Variants in MPLKIP observed in about 807,000 individuals in gnomAD.
MPLKIP encodes M-phase specific PLK1 interacting protein, also known as M-phase-specific PLK1-interacting protein.
A neutral mutation model predicts 16.9 loss-of-function variants in MPLKIP; 16 were observed. That is an observed-to-expected ratio of 0.94 (90% CI 0.64 to 1.43). MPLKIP has a LOEUF of 1.43. Among genes scored for constraint, MPLKIP ranks in the 40% most tolerant of loss-of-function variants. The pLI is 0.00. For missense variants in MPLKIP, 282 were observed against 237.6 expected (o/e 1.19, Z -1.23); for synonymous variants, 126 against 98.4 (o/e 1.28, Z -1.66).
In MPLKIP at chr7:40,132,190, G is replaced by A. The variant is rs1364082633; in HGVS notation, c.*869C>T. 1 of 152,226 alleles carries A rather than the reference G, an allele frequency of 6.6e-6. No homozygotes were observed. The highest frequency in any genetic ancestry group is 2.4e-5 in the African/African-American group (1 of 41,446). The allele number at this position is 152,226 out of a possible 1,614,324, so 9.4% of individuals were successfully genotyped here. ...CAGAATCCTGTCTCATTATGGTGAT[G>A]TGTCCATGATTCAAGTTAATTAGGT... is the stretch of plus-strand genomic sequence containing the variant. On this transcript the variant is annotated 3_prime_UTR_variant, in exon 2 of 2. Transcript: ENST00000306984.
chr7:40,131,945 C>T lies in MPLKIP; in HGVS notation c.*1114G>A, dbSNP rs1253360970. ...CCTGTAGTCCCAGCTACTCAGGAGCCGAAGGTTGCAGTGAGCCAAGATTGC... is the reference window on the plus strand; with the variant it reads ...CCTGTAGTCCCAGCTACTCAGGAGCTGAAGGTTGCAGTGAGCCAAGATTGC... On this transcript the variant is annotated 3_prime_UTR_variant, in exon 2 of 2. Coordinates refer to ENST00000306984, the MANE Select transcript of MPLKIP (RefSeq NM_138701.4). The T allele has an allele frequency of 6.6e-6, 1 of 152,156 alleles. No individual in the cohort carries two copies. The highest frequency in any genetic ancestry group is 2.4e-5 in the African/African-American group (1 of 41,426). 9.4% of individuals were successfully genotyped at this position (152,156 alleles called of 1,614,324 possible).
At chr7:40,133,322 C>T (rs992625638) in intron 1 of MPLKIP, 63 bp from the exon 2 acceptor site, 4 of 1,440,586 alleles carry the variant, frequency 2.8e-6, no homozygotes, top group Non-Finnish European at 3.9e-6. Context: ...CTTCCTTTAG[C>T]TAAAGGTTAG....
At position 40,134,607 on chromosome 7, in the gene MPLKIP, C is replaced by A; in HGVS notation, c.-40G>T. On this transcript the variant is annotated 5_prime_UTR_variant, in exon 1 of 2. Coordinates refer to ENST00000306984, the MANE Select transcript of MPLKIP (RefSeq NM_138701.4). Reference sequence around the variant, plus strand: ...CCGAAAACCTCGCAGCCGCGTTCTCCCACCGGAACTGTATCAACCGGCCCT... The same window carrying A: ...CCGAAAACCTCGCAGCCGCGTTCTCACACCGGAACTGTATCAACCGGCCCT... The A allele has an allele frequency of 6.5e-7, 1 of 1,544,068 alleles. No homozygotes were observed. Among genetic ancestry groups the A allele is most frequent in the Middle Eastern group, 2.2e-4 (1 of 4,636 alleles).
intron 1 of MPLKIP, among the ~76,000 whole-genome samples, chr7:40,133,886 T>TAAAAAAAAAAAAAAAAAA: frequency 9.5e-6 from 1 of 105,554 alleles, no homozygotes; most frequent in Non-Finnish European, 1.9e-5. Flanking sequence ...GAAAGAAAGA[T>TAAAAAAAAAAAAAAAAAA]AAAAAAAAAA....
rs774141828 is a variant in MPLKIP, at chr7:40,133,162, T to TC, written c.436dup (p.Glu146GlyfsTer55). 1 of 1,614,062 alleles carries TC rather than the reference T, an allele frequency of 6.2e-7. No homozygotes were observed. On this transcript the variant is annotated frameshift_variant, in exon 2 of 2. Transcript: ENST00000306984. LOFTEE classifies it high-confidence loss of function. Reference sequence around the variant, plus strand: ...TGGTTCTAGGCCAGCCCAAGGATCTTCAAGCATTGAAGGCTTGAAATAATT... The same window carrying TC: ...TGGTTCTAGGCCAGCCCAAGGATCTTCCAAGCATTGAAGGCTTGAAATAATT...
chr7:40,130,858 C>A lies in MPLKIP; in HGVS notation c.*2201G>T, dbSNP rs1229832931. On this transcript the variant is annotated 3_prime_UTR_variant, in exon 2 of 2. Coordinates refer to ENST00000306984, the MANE Select transcript of MPLKIP (RefSeq NM_138701.4). ...ATTACTAAGTTATCCCTTTTATATA[C>A]AGGGTGTAGGTAGAACAATATAGTA... The A allele has an allele frequency of 6.6e-6, 1 of 152,100 alleles. No homozygotes were observed. The highest frequency in any genetic ancestry group is 1.5e-5 in the Non-Finnish European group (1 of 68,008). 9.4% of individuals were successfully genotyped at this position (152,100 alleles called of 1,614,324 possible). A position where few individuals can be genotyped will look rare whatever the true frequency, so the allele number is the denominator to read the frequency against.
chr7:40,132,795 T>C lies in MPLKIP; in HGVS notation c.*264A>G. 2.1e-6 allele frequency: 1 copy of C among 470,796 alleles called. No individual in the cohort carries two copies. 29.2% of individuals were successfully genotyped at this position (470,796 alleles called of 1,614,324 possible). A position where few individuals can be genotyped will look rare whatever the true frequency, so the allele number is the denominator to read the frequency against. On this transcript the variant is annotated 3_prime_UTR_variant, in exon 2 of 2. Coordinates refer to ENST00000306984, the MANE Select transcript of MPLKIP (RefSeq NM_138701.4). ...CATTGAAAAAACATTAAAAGACAAA[T>C]GTCCATTATGTAACCAGGAATGTTA...
chr7:40,132,943 CCTTA>C lies in MPLKIP; in HGVS notation c.*112_*115del, dbSNP rs1416713881. On this transcript the variant is annotated 3_prime_UTR_variant, in exon 2 of 2. Transcript: ENST00000306984. ...GATACGATGAAAAATAACAAAAAGA[CCTTA>C]CTAATTATCCAATCAAAGTCATCAT... 16 of 903,648 alleles carry C rather than the reference CCTTA, an allele frequency of 1.8e-5. No individual in the cohort carries two copies. Among genetic ancestry groups the C allele is most frequent in the African/African-American group, 1.3e-4 (8 of 60,554 alleles). 56.0% of individuals were successfully genotyped at this position (903,648 alleles called of 1,614,324 possible).
In MPLKIP at chr7:40,133,194, CTCA is replaced by C. The variant is rs1205817669; in HGVS notation, c.402_404del (p.Asn134_Glu135delinsLys). On this transcript the variant is annotated inframe_deletion, in exon 2 of 2. Coordinates refer to ENST00000306984, the MANE Select transcript of MPLKIP (RefSeq NM_138701.4). ...TTGAAGGCTTGAAATAATTTTCCAACTCATTAGACATTCTTTTTTCTCTAACAC... is the reference window on the plus strand; with the variant it reads ...TTGAAGGCTTGAAATAATTTTCCAACTTAGACATTCTTTTTTCTCTAACAC... The C allele has an allele frequency of 6.2e-7, 1 of 1,613,762 alleles. No homozygotes were observed. Among genetic ancestry groups the C allele is most frequent in the African/African-American group, 1.3e-5 (1 of 74,916 alleles).
Position 40,134,620 on chromosome 7 carries a change from A to G in MPLKIP, c.-53T>C, listed in dbSNP as rs1326251775. 5 of 1,522,394 alleles carry G rather than the reference A, an allele frequency of 3.3e-6. No homozygotes were observed. Among genetic ancestry groups the G allele is most frequent in the Non-Finnish European group, 4.4e-6 (5 of 1,129,494 alleles). 94.3% of individuals were successfully genotyped at this position (1,522,394 alleles called of 1,614,324 possible). ...AGCCGCGTTCTCCCACCGGAACTGT[A>G]TCAACCGGCCCTCCGCAGAGAACTG... On this transcript the variant is annotated 5_prime_UTR_variant, in exon 1 of 2. Coordinates refer to ENST00000306984, the MANE Select transcript of MPLKIP (RefSeq NM_138701.4).
In MPLKIP at chr7:40,126,438, T is replaced by A. The variant is rs977160286; in HGVS notation, c.*6621A>T. Reference sequence around the variant, plus strand: ...GTTGGCAATCTTTCAACTGTAAAAATTTTTTTCTTTTTTGAGACAGGATCT... The same window carrying A: ...GTTGGCAATCTTTCAACTGTAAAAAATTTTTTCTTTTTTGAGACAGGATCT... On this transcript the variant is annotated 3_prime_UTR_variant, in exon 2 of 2. Transcript: ENST00000306984. The A allele has an allele frequency of 6.6e-6, 1 of 152,172 alleles. No individual in the cohort carries two copies. The highest frequency in any genetic ancestry group is 6.5e-5 in the Admixed American group (1 of 15,276). 9.4% of individuals were successfully genotyped at this position (152,172 alleles called of 1,614,324 possible).
Position 40,127,715 on chromosome 7 carries a change from G to C in MPLKIP, c.*5344C>G, listed in dbSNP as rs1438880911. 2 of 152,062 alleles carry C rather than the reference G, an allele frequency of 1.3e-5. No individual in the cohort carries two copies. The highest frequency in any genetic ancestry group is 2.9e-5 in the Non-Finnish European group (2 of 68,022). The allele number at this position is 152,062 out of a possible 1,614,324, so 9.4% of individuals were successfully genotyped here. A position where few individuals can be genotyped will look rare whatever the true frequency, so the allele number is the denominator to read the frequency against. On this transcript the variant is annotated 3_prime_UTR_variant, in exon 2 of 2. Coordinates refer to ENST00000306984, the MANE Select transcript of MPLKIP (RefSeq NM_138701.4). Reference sequence around the variant, plus strand: ...GTGAATCTCAAAGCATCTTAAATTAGATGATAAATTATGGAAATTATGAGC... The same window carrying C: ...GTGAATCTCAAAGCATCTTAAATTACATGATAAATTATGGAAATTATGAGC...
rs781185068 is a variant in MPLKIP at position 40,126,491 on chromosome 7, T to C, written c.*6568A>G. On this transcript the variant is annotated 3_prime_UTR_variant, in exon 2 of 2. Coordinates refer to ENST00000306984, the MANE Select transcript of MPLKIP (RefSeq NM_138701.4). ...CTGTGTTGCCCAGGCTGGAGTGCAG[T>C]GGTGAGATCTTGGCTCACTGCAACC... The C allele has an allele frequency of 6.6e-6, 1 of 152,200 alleles. No homozygotes were observed. The highest frequency in any genetic ancestry group is 2.4e-5 in the African/African-American group (1 of 41,436). The allele number at this position is 152,200 out of a possible 1,614,324, so 9.4% of individuals were successfully genotyped here. A position where few individuals can be genotyped will look rare whatever the true frequency, so the allele number is the denominator to read the frequency against.
rs1055325568 is a variant in MPLKIP, at chr7:40,129,260, T to C, written c.*3799A>G. ...TCTCCACACGGGCCAATATAACTTA[T>C]TTTTTTTTTTTTTTGAGATGGAGTA... On this transcript the variant is annotated 3_prime_UTR_variant, in exon 2 of 2. Coordinates refer to ENST00000306984, the MANE Select transcript of MPLKIP (RefSeq NM_138701.4). 3.2e-3 allele frequency: 115 copies of C among 36,080 alleles called. No individual in the cohort carries two copies. Among genetic ancestry groups the C allele is most frequent in the African/African-American group, 0.023 (105 of 4,648 alleles). The allele number at this position is 36,080 out of a possible 1,614,324, so 2.2% of individuals were successfully genotyped here.
At position 40,134,588 on chromosome 7, in the gene MPLKIP, A is replaced by G. The variant is rs760689021; in HGVS notation, c.-21T>C. ...TGCATATCAGGAGCCAAAGCCGAAA[A>G]CCTCGCAGCCGCGTTCTCCCACCGG... On this transcript the variant is annotated 5_prime_UTR_variant, in exon 1 of 2. Coordinates refer to ENST00000306984, the MANE Select transcript of MPLKIP (RefSeq NM_138701.4). 3.2e-6 allele frequency: 5 copies of G among 1,564,110 alleles called. No homozygotes were observed. The African/African-American group carries it at 6.8e-5, about 21-fold the overall frequency.
Position 40,134,326 on chromosome 7 carries a change from G to C in MPLKIP, c.242C>G (p.Pro81Arg). Reference sequence around the variant, plus strand: ...GGAGCCAGGGTAGCCGCCAGGGGACGGAGACCCGAACCGGCCCCCCGGGAA... The same window carrying C: ...GGAGCCAGGGTAGCCGCCAGGGGACCGAGACCCGAACCGGCCCCCCGGGAA... Reference protein sequence around the residue: ...GSFPGGRFGSPSPGGYPGSYS... With the variant: ...GSFPGGRFGSRSPGGYPGSYS... The change falls in exon 1 of 2, where the codon CCG becomes CGG. Residue 81 changes from proline to arginine, a missense_variant. Transcript: ENST00000306984. The C allele has an allele frequency of 1.3e-6, 2 of 1,554,214 alleles. No homozygotes were observed. Among genetic ancestry groups the C allele is most frequent in the Non-Finnish European group, 1.7e-6 (2 of 1,149,408 alleles).
intron 1 of MPLKIP, 30 bp downstream of exon 1, chr7:40,134,199 A>G (rs905026219): frequency 4.5e-6 from 7 of 1,546,404 alleles, no homozygotes; most frequent in African/African-American, 1.4e-5. Context: ...ATAAAGTAAG[A>G]GCTCGGCAAA....
At position 40,130,105 on chromosome 7, in the gene MPLKIP, A is replaced by T. The variant is rs1787442448; in HGVS notation, c.*2954T>A. The T allele has an allele frequency of 6.6e-6, 1 of 152,194 alleles. No individual in the cohort carries two copies. Among genetic ancestry groups the T allele is most frequent in the South Asian group, 2.1e-4 (1 of 4,834 alleles). The allele number at this position is 152,194 out of a possible 1,614,324, so 9.4% of individuals were successfully genotyped here. A position where few individuals can be genotyped will look rare whatever the true frequency, so the allele number is the denominator to read the frequency against. On this transcript the variant is annotated 3_prime_UTR_variant, in exon 2 of 2. Transcript: ENST00000306984. The stretch of plus-strand genomic sequence containing the variant: ...TATTTATGCCTGCATATCCCTTAGA[A>T]AGTTTAATATTCCCAGGAGTATGTA...
chr7:40,132,944 C>T lies in MPLKIP; in HGVS notation c.*115G>A, dbSNP rs1008866658. ...ATACGATGAAAAATAACAAAAAGAC[C>T]TTACTAATTATCCAATCAAAGTCAT... On this transcript the variant is annotated 3_prime_UTR_variant, in exon 2 of 2. Transcript: ENST00000306984. 1.6e-5 allele frequency: 15 copies of T among 916,490 alleles called. No individual in the cohort carries two copies. The African/African-American group carries it at 1.8e-4, about 11-fold the overall frequency. 56.8% of individuals were successfully genotyped at this position (916,490 alleles called of 1,614,324 possible). A position where few individuals can be genotyped will look rare whatever the true frequency, so the allele number is the denominator to read the frequency against.
Sources: gnomAD v4.1 joint callset for allele counts (sites outside exome capture counted in the v4.1 genomes callset) on GRCh38, gnomAD v4.1.1 for gene constraint, MANE v1.5 for transcripts, NCBI Gene and HGNC (gene_info 2026-07-23, HGNC 2026-07-21) for gene names.